FSIP2: variants seen among roughly 807,000 people sequenced by gnomAD.
FSIP2 encodes fibrous sheath-interacting protein 2.
In FSIP2, 367 loss-of-function variants were observed where a neutral mutation model predicts 510.5. The observed-to-expected ratio is 0.72, with a 90% confidence interval of 0.66 to 0.78. The LOEUF (loss-of-function observed/expected upper bound fraction) is 0.78. Among genes scored for constraint, FSIP2 ranks in the 30% least tolerant of loss-of-function variants. The pLI, the probability that FSIP2 is intolerant of heterozygous loss-of-function variation, is 0.00. For synonymous variants in FSIP2, 2,601 were observed against 2,732.2 expected (o/e 0.95, Z 1.50); for missense variants, 7,594 against 7,901.7 (o/e 0.96, Z 1.48).
rs1283287605 is a variant in FSIP2 at position 185,801,705 on chromosome 2, C to A, written c.12399C>A (p.Asp4133Glu). The A allele has an allele frequency of 6.5e-7, 1 of 1,529,504 alleles. No homozygotes were observed. The highest frequency in any genetic ancestry group is 2.5e-5 in the East Asian group (1 of 40,816). The allele number at this position is 1,529,504 out of a possible 1,614,324, so 94.7% of individuals were successfully genotyped here. ...EFTSLPRSSS[D>E]YSTMLSHSFL... ...CTTCTCTACCCAGGTCTTCATCAGA[C>A]TATAGTACCATGTTATCACATTCAT... The change falls in exon 17 of 23, where the codon GAC (aspartate) becomes GAA (glutamate). Residue 4133 changes from aspartate (D) to glutamate (E), a missense_variant. Physicochemically the swap from Asp to Glu is conservative, Grantham distance 45. Coordinates refer to ENST00000424728, the MANE Select transcript of FSIP2 (RefSeq NM_173651.4).
rs761028361 is a variant in FSIP2, at chr2:185,746,709, C to T, written c.658C>T (p.Arg220Cys). 83 of 1,528,654 alleles carry T rather than the reference C, an allele frequency of 5.4e-5. No homozygotes were observed. The highest frequency in any genetic ancestry group is 5.0e-4 in the Middle Eastern group (3 of 5,942). 94.7% of individuals were successfully genotyped at this position (1,528,654 alleles called of 1,614,324 possible). Residue 220 changes from arginine to cysteine, a missense_variant, in exon 6 of 23, where the codon CGC becomes TGC. Arg to Cys is a radical substitution (Grantham distance 180). Transcript: ENST00000424728. ...AAGTAGAAAACTAGAACAACTTGAA[C>T]GCACAGCAGAAGAACAACGCCTATT... Reference protein sequence around the residue: ...MISRKLEQLERTAEEQRLFLM... With the variant: ...MISRKLEQLECTAEEQRLFLM...
chr2:185,806,026 G>T lies in FSIP2; in HGVS notation c.16720G>T (p.Asp5574Tyr), dbSNP rs201029819. Residue 5574 changes from aspartate to tyrosine, a missense_variant, in exon 17 of 23, where the codon GAT becomes TAT. By Grantham distance (160) the Asp-to-Tyr change is radical. Coordinates refer to ENST00000424728, the MANE Select transcript of FSIP2 (RefSeq NM_173651.4). ...IEKKRNLIPT[D>Y]KKGKDDEIYT... ...GAAGAAAAGAAATTTAATTCCAACAGATAAAAAAGGGAAAGATGATGAGAT... is the reference window on the plus strand; with the variant it reads ...GAAGAAAAGAAATTTAATTCCAACATATAAAAAAGGGAAAGATGATGAGAT... 9.7e-6 allele frequency: 15 copies of T among 1,553,164 alleles called. No homozygotes were observed. The highest frequency in any genetic ancestry group is 2.6e-6 in the Non-Finnish European group (3 of 1,148,384).
At chr2:185,783,179 A>G (rs537102017) in intron 14 of FSIP2, among the ~76,000 whole-genome samples, 1 of 152,140 alleles carries the variant, frequency 6.6e-6, no homozygotes, top group Admixed American at 6.6e-5. Context: ...TTATTCCCCC[A>G]CCCCAAAGGC....
chr2:185,805,444 A>T lies in FSIP2; in HGVS notation c.16138A>T (p.Met5380Leu), dbSNP rs778128991. The T allele has an allele frequency of 1.1e-5, 18 of 1,610,350 alleles. No individual in the cohort carries two copies. The South Asian group carries it at 1.9e-4, about 17-fold the overall frequency. Residue 5380 changes from methionine (M) to leucine (L), a missense_variant, in exon 17 of 23, where the codon ATG becomes TTG. Coordinates refer to ENST00000424728, the MANE Select transcript of FSIP2 (RefSeq NM_173651.4). ...TGATGAAAGTAACATTGCTATAGGG[A>T]TGATTGCTGCTCTAACCCAGAAGGC... ...KGDESNIAIG[M>L]IAALTQKAIS...
chr2:185,789,766 C>G lies in FSIP2; in HGVS notation c.2630C>G (p.Ser877Cys). 2.0e-6 allele frequency: 3 copies of G among 1,534,386 alleles called. No homozygotes were observed. The highest frequency in any genetic ancestry group is 2.6e-6 in the Non-Finnish European group (3 of 1,145,704). Residue 877 changes from serine (S) to cysteine (C), a missense_variant, in exon 16 of 23, where the codon TCT becomes TGT. Ser to Cys is a moderately radical substitution (Grantham distance 112, BLOSUM62 -1). Coordinates refer to ENST00000424728, the MANE Select transcript of FSIP2 (RefSeq NM_173651.4). ...GGCAAAAATAAATCTAGTCTTGAAT[C>G]TGATGAAGCTAGTTTAATTGTCAAT... ...RAGKNKSSLE[S>C]DEASLIVNEE...
Position 185,799,954 on chromosome 2 carries a change from T to G in FSIP2, c.10648T>G (p.Ser3550Ala), listed in dbSNP as rs1232359815. The G allele has an allele frequency of 6.5e-7, 1 of 1,531,848 alleles. No homozygotes were observed. The highest frequency in any genetic ancestry group is 1.2e-5 in the South Asian group (1 of 83,572). 94.9% of individuals were successfully genotyped at this position (1,531,848 alleles called of 1,614,324 possible). A position where few individuals can be genotyped will look rare whatever the true frequency, so the allele number is the denominator to read the frequency against. The part of the protein sequence containing the change: ...SIHSQVFESR[S>A]ISIGELALCI... Reference sequence around the variant, plus strand: ...TCATTCTCAAGTGTTTGAGAGCAGGTCAATTTCCATTGGAGAACTTGCTTT... The same window carrying G: ...TCATTCTCAAGTGTTTGAGAGCAGGGCAATTTCCATTGGAGAACTTGCTTT... The change falls in exon 17 of 23, where the codon TCA becomes GCA. Residue 3550 changes from serine (S) to alanine (A), a missense_variant. Transcript: ENST00000424728.
Position 185,790,428 on chromosome 2 carries a change from C to G in FSIP2, c.3292C>G (p.Gln1098Glu). ...NKDISTFSQD[Q>E]KHQIEKASEN... ...AGACATTTCAACTTTCAGCCAAGAT[C>G]AAAAGCATCAAATAGAAAAGGCTTC... Residue 1098 changes from glutamine to glutamate, a missense_variant, in exon 16 of 23, where the codon CAA (glutamine) becomes GAA (glutamate). By Grantham distance (29) the Gln-to-Glu change is conservative. Transcript: ENST00000424728. 3.3e-6 allele frequency: 5 copies of G among 1,532,292 alleles called. No homozygotes were observed. The highest frequency in any genetic ancestry group is 4.4e-6 in the Non-Finnish European group (5 of 1,145,108). The allele number at this position is 1,532,292 out of a possible 1,614,324, so 94.9% of individuals were successfully genotyped here.
chr2:185,816,249 T>C (rs983546701), intron 19 of FSIP2, among the ~76,000 whole-genome samples: 6 of 151,346 alleles, frequency 4.0e-5, no homozygotes, highest in Non-Finnish European at 5.9e-5. Context: ...TTTTTTGACA[T>C]GGCCTTATTT....
At position 185,805,071 on chromosome 2, in the gene FSIP2, T is replaced by C. The variant is rs746470773; in HGVS notation, c.15765T>C (p.His5255=). 3.7e-6 allele frequency: 6 copies of C among 1,603,278 alleles called. No homozygotes were observed. The African/African-American group carries it at 6.7e-5, about 18-fold the overall frequency. ...SSFSDLSDYD[H]VSELAKSGKE... Reference sequence around the variant, plus strand: ...TCAGTGACTTATCTGATTATGACCATGTCTCTGAACTTGCTAAATCTGGTA... The same window carrying C: ...TCAGTGACTTATCTGATTATGACCACGTCTCTGAACTTGCTAAATCTGGTA... Residue 5255 remains histidine, a synonymous_variant, in exon 17 of 23, where the codon CAT becomes CAC. Transcript: ENST00000424728.
rs1694115460 is a variant in FSIP2 at position 185,831,895 on chromosome 2, C to T, written c.20587+13C>T. ...GAAGTCATTTCAGGTACAAAATGTACTATTTTAACAACTGGTGTAATTAAA... is the reference window on the plus strand; with the variant it reads ...GAAGTCATTTCAGGTACAAAATGTATTATTTTAACAACTGGTGTAATTAAA... On this transcript the variant is annotated intron_variant, in intron 22 of 22. Coordinates refer to ENST00000424728, the MANE Select transcript of FSIP2 (RefSeq NM_173651.4). 2.8e-5 allele frequency: 42 copies of T among 1,509,518 alleles called. No homozygotes were observed. The highest frequency in any genetic ancestry group is 3.9e-5 in the Non-Finnish European group (42 of 1,086,178). The allele number at this position is 1,509,518 out of a possible 1,614,324, so 93.5% of individuals were successfully genotyped here.
At chr2:185,763,590 G>A (rs1408198366) in intron 12 of FSIP2, among the ~76,000 whole-genome samples, 1 of 151,524 alleles carries the variant, frequency 6.6e-6, no homozygotes, top group Non-Finnish European at 1.5e-5. Flanking sequence ...GTTACCTGCT[G>A]TTCGAGAGAT....
Position 185,804,393 on chromosome 2 carries a change from T to TG in FSIP2, c.15089dup (p.Val5032SerfsTer6). The stretch of plus-strand genomic sequence containing the variant: ...TTCAAAAAATAGTCAACTCAGTATA[T>TG]GGAAAAGTATTAGATCAATATAAAT... On this transcript the variant is annotated frameshift_variant, in exon 17 of 23. Transcript: ENST00000424728. LOFTEE classifies it high-confidence loss of function. 6.6e-7 allele frequency: 1 copy of TG among 1,505,122 alleles called. No homozygotes were observed. Among genetic ancestry groups the TG allele is most frequent in the Non-Finnish European group, 8.8e-7 (1 of 1,131,372 alleles). The allele number at this position is 1,505,122 out of a possible 1,614,324, so 93.2% of individuals were successfully genotyped here. A position where few individuals can be genotyped will look rare whatever the true frequency, so the allele number is the denominator to read the frequency against.
Position 185,815,440 on chromosome 2 carries a change from T to C in FSIP2, c.20395T>C (p.Tyr6799His). ...ACACAGAATTATGAGTTCATCTTCA[T>C]ACAACCAAGAAGATCTCATTTCATC... ...FIHRIMSSSS[Y>H]NQEDLISSTG... Residue 6799 changes from tyrosine to histidine, a missense_variant, in exon 19 of 23, where the codon TAC becomes CAC. Physicochemically the swap from Tyr to His is moderately conservative, Grantham distance 83. Coordinates refer to ENST00000424728, the MANE Select transcript of FSIP2 (RefSeq NM_173651.4). 1 of 1,498,542 alleles carries C rather than the reference T, an allele frequency of 6.7e-7. No individual in the cohort carries two copies. Among genetic ancestry groups the C allele is most frequent in the Middle Eastern group, 1.7e-4 (1 of 5,824 alleles). 92.8% of individuals were successfully genotyped at this position (1,498,542 alleles called of 1,614,324 possible). A position where few individuals can be genotyped will look rare whatever the true frequency, so the allele number is the denominator to read the frequency against.
chr2:185,754,319 A>C (rs758315388), intron 8 of FSIP2, among the ~76,000 whole-genome samples: 2 of 151,530 alleles, frequency 1.3e-5, no homozygotes, highest in Non-Finnish European at 3.0e-5. Context: ...TATTTATAAC[A>C]TTATAAAATT....
In FSIP2 at chr2:185,804,139, T is replaced by G; in HGVS notation, c.14833T>G (p.Ser4945Ala). ...KQRELSFIVNSSVFLEEVISE... is the reference protein window; with the variant it reads ...KQRELSFIVNASVFLEEVISE... Reference sequence around the variant, plus strand: ...AAGAGAATTATCTTTTATTGTGAACTCATCTGTCTTTTTGGAGGAAGTAAT... The same window carrying G: ...AAGAGAATTATCTTTTATTGTGAACGCATCTGTCTTTTTGGAGGAAGTAAT... The change falls in exon 17 of 23, where the codon TCA becomes GCA. Residue 4945 changes from serine (S) to alanine (A), a missense_variant. Transcript: ENST00000424728. The G allele has an allele frequency of 6.6e-7, 1 of 1,513,812 alleles. No homozygotes were observed. Among genetic ancestry groups the G allele is most frequent in the East Asian group, 2.5e-5 (1 of 40,562 alleles). 93.8% of individuals were successfully genotyped at this position (1,513,812 alleles called of 1,614,324 possible). A position where few individuals can be genotyped will look rare whatever the true frequency, so the allele number is the denominator to read the frequency against.
At chr2:185,764,433 A>C (rs1196796466) in intron 12 of FSIP2, 69 bp from the exon 13 acceptor site, 2 of 789,486 alleles carry the variant, frequency 2.5e-6, no homozygotes, top group Non-Finnish European at 4.1e-6. Context: ...TATAGAAATA[A>C]TAGTTGATGT....
At position 185,795,770 on chromosome 2, in the gene FSIP2, T is replaced by A; in HGVS notation, c.8634T>A (p.Tyr2878Ter). 6.5e-7 allele frequency: 1 copy of A among 1,533,658 alleles called. No homozygotes were observed. ...EISIKAKELEYSLSLLNLPPL... is the reference protein window; with the variant it reads ...EISIKAKELE ...CAATAAAAGCAAAAGAATTAGAATA[T>A]TCTCTTTCACTTTTAAATTTGCCCC... Residue 2878 changes from tyrosine to a stop codon, truncating the protein, a stop_gained, in exon 16 of 23, where the codon TAT becomes TAA. Coordinates refer to ENST00000424728, the MANE Select transcript of FSIP2 (RefSeq NM_173651.4). LOFTEE classifies it high-confidence loss of function.
intron 13 of FSIP2, chr2:185,765,659 A>C (rs1692457519): frequency 6.6e-6 from 1 of 151,938 alleles, no homozygotes; most frequent in African/African-American, 2.4e-5. Flanking sequence ...ACTTTAAAGT[A>C]GTTTTTTCCA....
chr2:185,779,623 A>G (rs1284476984), intron 13 of FSIP2, among the ~76,000 whole-genome samples: 3 of 152,098 alleles, frequency 2.0e-5, no homozygotes, highest in Admixed American at 6.5e-5. Flanking sequence ...TTATTGTCCA[A>G]TAGTTTAAAT....
Sources: allele counts gnomAD v4.1 joint callset (sites outside exome capture counted in the v4.1 genomes callset), GRCh38; gene constraint gnomAD v4.1.1; transcripts MANE v1.5; gene names NCBI Gene and HGNC (gene_info 2026-07-23, HGNC 2026-07-21).